PMP22: variants seen among roughly 807,000 people sequenced by gnomAD.
PMP22 encodes the protein peripheral myelin protein 22, also known as Charcot-Marie-Tooth neuropathy 1A (greatly reduced nerve conduction velocity, hereditary motor sensory neuropathy Ia).
A neutral mutation model predicts 18.9 loss-of-function variants in PMP22; 2 were observed. The ratio of observed to expected loss-of-function variants is 0.11; its 90% CI spans 0.04 to 0.33. The LOEUF (loss-of-function observed/expected upper bound fraction) is 0.33. PMP22 is among the 10% of genes least tolerant of loss of function. The pLI, the probability that PMP22 is intolerant of heterozygous loss-of-function variation, is 1.00. For synonymous variants in PMP22, 95 were observed against 89.2 expected, an observed-to-expected ratio of 1.07 and a Z score of -0.37; for missense variants, 169 against 202.2, an observed-to-expected ratio of 0.84 and a Z score of 1.00.
At chr17:15,243,569 T>A (rs187433965) in intron 3 of PMP22, among the ~76,000 whole-genome samples, 10 of 151,444 alleles carry the variant, frequency 6.6e-5, no homozygotes, top group Admixed American at 6.6e-4. Flanking sequence ...ACCTACCAGA[T>A]TTAAAACATA....
chr17:15,256,478 T>C (rs1908840450), intron 3 of PMP22, among the ~76,000 whole-genome samples: 1 of 152,048 alleles, frequency 6.6e-6, no homozygotes, highest in Non-Finnish European at 1.5e-5. Flanking sequence ...CCCTCTCTAC[T>C]AAAAATACAA....
intron 3 of PMP22, among the ~76,000 whole-genome samples, chr17:15,242,251 CAAAAAAAAA>C (rs59075019): frequency 1.8e-5 from 1 of 54,778 alleles, no homozygotes; most frequent in African/African-American, 6.7e-5. Flanking sequence ...GACTCTGTCT[CAAAAAAAAA>C]AAAAAAAAAA....
intron 4 of PMP22, among the ~76,000 whole-genome samples, chr17:15,233,645 A>G (rs1048073440): frequency 6.6e-6 from 1 of 152,204 alleles, no homozygotes; most frequent in Admixed American, 6.5e-5. Context: ...ATGAGTGCCT[A>G]TTGCATGCGG....
intron 4 of PMP22, among the ~76,000 whole-genome samples, chr17:15,235,750 T>TTTTCTA (rs1906745819): frequency 6.6e-6 from 1 of 151,922 alleles, no homozygotes; most frequent in African/African-American, 2.4e-5. Context: ...GTCTTTTTTC[T>TTTTCTA]TTTCTTTTTT....
intron 4 of PMP22, among the ~76,000 whole-genome samples, chr17:15,236,282 C>G (rs1297046200): frequency 6.6e-6 from 1 of 152,158 alleles, no homozygotes; most frequent in Non-Finnish European, 1.5e-5. Context: ...GAGCTGTAAT[C>G]TAGAGCAAGG....
At chr17:15,231,654 A>C (rs1255236336) in intron 4 of PMP22, among the ~76,000 whole-genome samples, 4 of 152,196 alleles carry the variant, frequency 2.6e-5, no homozygotes, top group Admixed American at 2.0e-4. Flanking sequence ...AAACAGACAA[A>C]GAAATGTGTG....
intron 3 of PMP22, among the ~76,000 whole-genome samples, chr17:15,241,040 C>T (rs1907273906): frequency 6.6e-6 from 1 of 152,220 alleles, no homozygotes; most frequent in South Asian, 2.1e-4. Context: ...GAGAGATCAA[C>T]TAGTCCAGCT....
At chr17:15,240,956 T>C (rs1424267236) in intron 3 of PMP22, among the ~76,000 whole-genome samples, 1 of 152,198 alleles carries the variant, frequency 6.6e-6, no homozygotes, top group Non-Finnish European at 1.5e-5. Context: ...CAAATTAGGT[T>C]AACTGTTCCT....
intron 3 of PMP22, among the ~76,000 whole-genome samples, chr17:15,248,832 A>C (rs1489794472): frequency 6.6e-6 from 1 of 152,200 alleles, no homozygotes; most frequent in African/African-American, 2.4e-5. Flanking sequence ...CGGATTTATC[A>C]GGAGACTTGT....
At chr17:15,237,624 C>T (rs562330578) in intron 4 of PMP22, among the ~76,000 whole-genome samples, 1 of 152,324 alleles carries the variant, frequency 6.6e-6, no homozygotes, top group South Asian at 2.1e-4. Context: ...TTGGTGCATT[C>T]TGTCTTTAAA....
intron 4 of PMP22, chr17:15,232,568 G>A (rs1019316780): frequency 2.6e-5 from 4 of 152,172 alleles, no homozygotes; most frequent in Non-Finnish European, 5.9e-5. Context: ...AAGAAATACT[G>A]AAGTTGTCTC....
At chr17:15,235,173 A>C in intron 4 of PMP22, 1 of 716,794 alleles carries the variant, frequency 1.4e-6, no homozygotes, top group Non-Finnish European at 2.6e-6. Context: ...CTATTAACAA[A>C]ACAAATGAAC....
At chr17:15,244,166 G>A (rs1473307838) in intron 3 of PMP22, among the ~76,000 whole-genome samples, 1 of 152,014 alleles carries the variant, frequency 6.6e-6, no homozygotes, top group African/African-American at 2.4e-5. Context: ...CATCGTAAAA[G>A]GTGCCCAACC....
At chr17:15,236,016 T>G (rs562791923) in intron 4 of PMP22, among the ~76,000 whole-genome samples, 18 of 151,760 alleles carry the variant, frequency 1.2e-4, no homozygotes, top group African/African-American at 4.3e-4. Context: ...CACCTCAGCC[T>G]CCCAAAGTGC....
intron 3 of PMP22, among the ~76,000 whole-genome samples, chr17:15,248,674 T>C (rs1457815127): frequency 6.6e-6 from 1 of 152,118 alleles, no homozygotes; most frequent in Non-Finnish European, 1.5e-5. Context: ...TAAGAATTGC[T>C]CTTGGAAGAC....
In PMP22 at chr17:15,264,245, GATAGATAGAT is replaced by G. The variant is rs1320169235; in HGVS notation, c.-35+899_-35+908del. Among the ~76,000 whole-genome samples, 639 of 97,116 alleles carry G rather than the reference GATAGATAGAT, an allele frequency of 6.6e-3. 7 individuals carry two copies. The highest frequency in any genetic ancestry group is 0.03 in the African/African-American group (591 of 19,576). 63.7% of individuals were successfully genotyped at this position (97,116 alleles called of 152,430 possible). A position where few individuals can be genotyped will look rare whatever the true frequency, so the allele number is the denominator to read the frequency against. On this transcript the variant is annotated intron_variant, in intron 1 of 4. Coordinates refer to ENST00000312280, the MANE Select transcript of PMP22 (RefSeq NM_000304.4). ...AGGTAGGTAGGTAGATAGATAGATA[GATAGATAGAT>G]ATAGATAGATAGATAAAGATTTATA...
At chr17:15,248,659 T>G (rs1908049376) in intron 3 of PMP22, among the ~76,000 whole-genome samples, 2 of 152,158 alleles carry the variant, frequency 1.3e-5, no homozygotes. Flanking sequence ...TAGGCTTTGT[T>G]TCTCTAAGAA....
intron 1 of PMP22, among the ~76,000 whole-genome samples, chr17:15,264,128 A>G (rs1247099675): frequency 6.6e-6 from 1 of 152,190 alleles, no homozygotes; most frequent in Non-Finnish European, 1.5e-5. Context: ...TGCCACCACT[A>G]TTATTATATC....
At chr17:15,241,451 GGGA>G (rs374726025) in intron 3 of PMP22, among the ~76,000 whole-genome samples, 33 of 152,300 alleles carry the variant, frequency 2.2e-4, no homozygotes, top group African/African-American at 7.9e-4. Context: ...CACTTTGGCT[GGGA>G]AATGTCCTTC....
Sources: gnomAD v4.1 joint callset for allele counts (sites outside exome capture counted in the v4.1 genomes callset) on GRCh38, gnomAD v4.1.1 for gene constraint, MANE v1.5 for transcripts, NCBI Gene and HGNC (gene_info 2026-07-23, HGNC 2026-07-21) for gene names.